Variants in FGL1 observed in about 807,000 individuals in gnomAD.
FGL1 encodes fibrinogen-like protein 1.
Under a neutral mutation model 43.7 loss-of-function variants are expected in FGL1, and 59 were observed. That is an observed-to-expected ratio of 1.35 (90% confidence interval 1.10 to 1.68). FGL1 has a LOEUF of 1.68. Ranked by LOEUF, FGL1 falls within the 40% of genes most tolerant of loss-of-function variation. The probability of loss-of-function intolerance (pLI) is 0.00; values close to 1 mark genes in which losing one functional copy is unlikely to be tolerated. For missense variants in FGL1, 596 were observed against 373.0 expected, an observed-to-expected ratio of 1.60 and a Z score of -4.92; for synonymous variants, 192 against 126.5, an observed-to-expected ratio of 1.52 and a Z score of -3.48.
chr8:17,882,399 A>G (rs1563457283), intron 2 of FGL1: 1 of 413,440 alleles, frequency 2.4e-6, no homozygotes, highest in South Asian at 3.7e-5. Flanking sequence ...AAAAGATCAA[A>G]TAATATAAAA....
chr8:17,883,129 A>C (rs2053570437), intron 2 of FGL1, among the ~76,000 whole-genome samples: 1 of 95,210 alleles, frequency 1.1e-5, no homozygotes, highest in South Asian at 3.5e-4. Flanking sequence ...TATATAATAT[A>C]TTAAATAATA....
At chr8:17,883,294 TATATA>T (rs2053576785) in intron 2 of FGL1, among the ~76,000 whole-genome samples, 1 of 100,138 alleles carries the variant, frequency 1.0e-5, no homozygotes, top group Non-Finnish European at 1.7e-5. Flanking sequence ...ATATATATCA[TATATA>T]ATATATTAAA....
intron 3 of FGL1, among the ~76,000 whole-genome samples, chr8:17,875,540 T>TCTTTCTTTC (rs2053438766): frequency 1.5e-4 from 2 of 13,268 alleles, no homozygotes; most frequent in Non-Finnish European, 4.5e-4. Flanking sequence ...TCTTTCTCTT[T>TCTTTCTTTC]CTTTCTTTCT....
At chr8:17,874,339 G>T in intron 4 of FGL1, 23 bp downstream of exon 4, 1 of 1,607,170 alleles carries the variant, frequency 6.2e-7, no homozygotes, top group Non-Finnish European at 8.5e-7. Flanking sequence ...TACATATAAA[G>T]TCTTACATCA....
At chr8:17,895,265 T>A in intron 1 of FGL1, 182 bp downstream of exon 1, 1 of 1,011,562 alleles carries the variant, frequency 9.9e-7, no homozygotes, top group South Asian at 2.7e-5. Context: ...TGTATATCTG[T>A]AACAAAAGAT....
intron 1 of FGL1, among the ~76,000 whole-genome samples, chr8:17,887,599 C>T (rs1213445540): frequency 6.6e-6 from 1 of 152,170 alleles, no homozygotes; most frequent in Non-Finnish European, 1.5e-5. Flanking sequence ...CCTGTAATCC[C>T]AGCACTTCGA....
In FGL1 at chr8:17,892,746, A is replaced by G. The variant is rs186552110; in HGVS notation, c.-18+2701T>C. ...TTTCATTATTTTAATCCGCTCCCAG[A>G]TAATATTCAGGAGTCAAAAATTAAA... is the stretch of plus-strand genomic sequence containing the variant. On this transcript the variant is annotated intron_variant, in intron 1 of 7. Coordinates refer to ENST00000427924, the MANE Select transcript of FGL1 (RefSeq NM_004467.4). Among the ~76,000 whole-genome samples, 20 of 152,356 alleles carry G rather than the reference A, an allele frequency of 1.3e-4. No homozygotes were observed. In the East Asian group the frequency reaches 3.1e-3, roughly 23 times the overall value.
chr8:17,876,097 G>A (rs188750398), intron 3 of FGL1, among the ~76,000 whole-genome samples: 3 of 152,200 alleles, frequency 2.0e-5, no homozygotes, highest in East Asian at 1.9e-4. Flanking sequence ...AAGAAGAGCC[G>A]TCTACAAACA....
chr8:17,889,564 C>G (rs753365410), intron 1 of FGL1, among the ~76,000 whole-genome samples: 1 of 152,096 alleles, frequency 6.6e-6, no homozygotes, highest in Non-Finnish European at 1.5e-5. Flanking sequence ...AACAACAACA[C>G]TATCAAAACA....
rs1337978703 is a variant in FGL1 at position 17,864,579 on chromosome 8, C to T, written c.*13G>A. 1 of 1,599,852 alleles carries T rather than the reference C, an allele frequency of 6.3e-7. No individual in the cohort carries two copies. ...AAAGCTGAATTGCAGAAACGAAAGC[C>T]CAACAGCAGCAATTAAATTACATTT... On this transcript the variant is annotated 3_prime_UTR_variant, in exon 8 of 8. Coordinates refer to ENST00000427924, the MANE Select transcript of FGL1 (RefSeq NM_004467.4).
intron 1 of FGL1, among the ~76,000 whole-genome samples, chr8:17,888,663 G>C (rs181248449): frequency 7.5e-4 from 114 of 152,148 alleles, no homozygotes; most frequent in Non-Finnish European, 1.0e-4. Flanking sequence ...CATTGTGGCT[G>C]AATTTTTTCA....
intron 2 of FGL1, among the ~76,000 whole-genome samples, chr8:17,885,045 C>CT (rs11463824): frequency 0.094 from 13,611 of 144,218 alleles, 1,229 homozygotes; most frequent in African/African-American, 0.24. Context: ...ATGTAAAGCA[C>CT]TTTTTTTTTT....
At chr8:17,879,972 T>C (rs1374815716) in intron 3 of FGL1, among the ~76,000 whole-genome samples, 2 of 152,202 alleles carry the variant, frequency 1.3e-5, no homozygotes, top group Non-Finnish European at 2.9e-5. Flanking sequence ...GATGATCCAC[T>C]GGCATCTACG....
intron 3 of FGL1, among the ~76,000 whole-genome samples, chr8:17,878,663 G>T (rs1400973930): frequency 6.6e-6 from 1 of 152,122 alleles, no homozygotes; most frequent in Non-Finnish European, 1.5e-5. Flanking sequence ...AAAATCATGT[G>T]CCTAGTGCAT....
intron 1 of FGL1, among the ~76,000 whole-genome samples, chr8:17,892,737 C>T (rs1029066388): frequency 6.6e-6 from 1 of 152,076 alleles, no homozygotes; most frequent in Admixed American, 6.6e-5. Context: ...TATTTTAATC[C>T]GCTCCCAGAT....
intron 1 of FGL1, among the ~76,000 whole-genome samples, chr8:17,893,588 C>G (rs887880688): frequency 2.0e-5 from 3 of 147,972 alleles, no homozygotes. Flanking sequence ...AAAGGCACCC[C>G]CTAGTCTGGT....
chr8:17,873,688 G>C (rs1203672811), intron 5 of FGL1, among the ~76,000 whole-genome samples: 1 of 100,924 alleles, frequency 9.9e-6, no homozygotes, highest in African/African-American at 3.5e-5. Flanking sequence ...TATATCTATA[G>C]ATACATATAG....
intron 1 of FGL1, among the ~76,000 whole-genome samples, chr8:17,887,255 T>C (rs1458559493): frequency 6.6e-6 from 1 of 152,130 alleles, no homozygotes; most frequent in Non-Finnish European, 1.5e-5. Flanking sequence ...GAGACTGACA[T>C]TGGAGGATTC....
At chr8:17,872,281 C>A (rs1040253438) in intron 5 of FGL1, among the ~76,000 whole-genome samples, 1 of 93,324 alleles carries the variant, frequency 1.1e-5, no homozygotes, top group Admixed American at 9.1e-5. Context: ...AACAAAGGAA[C>A]TTTTGTTTTA....
Sources: gnomAD v4.1 joint callset for allele counts (sites outside exome capture counted in the v4.1 genomes callset) on GRCh38, gnomAD v4.1.1 for gene constraint, MANE v1.5 for transcripts, NCBI Gene and HGNC (gene_info 2026-07-23, HGNC 2026-07-21) for gene names.